Variants in HMGCLL1 observed in about 807,000 individuals in gnomAD.
HMGCLL1 encodes 3-hydroxymethyl-3-methylglutaryl-CoA lyase, cytoplasmic.
HMGCLL1 carries 36 observed loss-of-function variants against 39.1 expected under a neutral mutation model. The observed-to-expected ratio is 0.92, with a 90% CI of 0.71 to 1.22. The LOEUF is 1.22. Among genes scored for constraint, HMGCLL1 ranks in the 50% most tolerant of loss-of-function variants. HMGCLL1 has a pLI of 0.00. For missense variants in HMGCLL1, 451 were observed against 416.5 expected (o/e 1.08, Z -0.72); for synonymous variants, 149 against 144.0 (o/e 1.03, Z -0.25).
chr6:55,476,336 G>C (rs1199596503), intron 7 of HMGCLL1, among the ~76,000 whole-genome samples: 3 of 151,310 alleles, frequency 2.0e-5, no homozygotes, highest in African/African-American at 7.3e-5. Flanking sequence ...GCAATTGGAA[G>C]TGTGTCATTT....
At chr6:55,652,275 C>T in the HMGCLL1 span, among the ~76,000 whole-genome samples, 1 of 150,804 alleles carries the variant, frequency 6.6e-6, no homozygotes, top group Non-Finnish European at 1.5e-5. Context: ...CTTATAAAAT[C>T]TTTTTTTTTA....
chr6:55,483,728 A>G (rs1335964961), intron 7 of HMGCLL1, among the ~76,000 whole-genome samples: 2 of 152,254 alleles, frequency 1.3e-5, no homozygotes, highest in African/African-American at 4.8e-5. Flanking sequence ...CTATTTTTCA[A>G]GTAGGAAACA....
At chr6:55,579,210 A>G (rs1462338283), upstream of HMGCLL1, 5 of 635,118 alleles carry the variant, frequency 7.9e-6, no homozygotes, top group East Asian at 1.1e-4. Flanking sequence ...GGCGGCGCCG[A>G]GAGGGCGGGG....
At chr6:55,615,723 A>G in the HMGCLL1 span, among the ~76,000 whole-genome samples, 12 of 152,122 alleles carry the variant, frequency 7.9e-5, no homozygotes, top group Non-Finnish European at 1.5e-4. Flanking sequence ...ACAGCTACAA[A>G]CATCATAGGT....
At chr6:55,613,258 C>T in the HMGCLL1 span, among the ~76,000 whole-genome samples, 2 of 152,170 alleles carry the variant, frequency 1.3e-5, no homozygotes, top group Admixed American at 1.3e-4. Context: ...CATCTCACAC[C>T]AGTCAGAATG....
chr6:55,564,033 C>G (rs2127472180), intron 1 of HMGCLL1: 3 of 452,384 alleles, frequency 6.6e-6, no homozygotes, highest in Middle Eastern at 9.6e-4. Context: ...GCAGCAAAGC[C>G]TCATGAAAGT....
At chr6:55,435,909 A>C in intron 8 of HMGCLL1, 146 bp from the exon 9 acceptor site, 2 of 468,954 alleles carry the variant, frequency 4.3e-6, no homozygotes, top group Non-Finnish European at 3.8e-6. Flanking sequence ...ATTTTGGGGC[A>C]ACATTTGTTT....
the HMGCLL1 span, among the ~76,000 whole-genome samples, chr6:55,660,077 A>G: frequency 6.6e-6 from 1 of 151,756 alleles, no homozygotes; most frequent in Non-Finnish European, 1.5e-5. Flanking sequence ...TTAGGGAGGG[A>G]GTCAACTCAA....
intron 7 of HMGCLL1, among the ~76,000 whole-genome samples, chr6:55,477,327 T>TATTA (rs1561904974): frequency 6.6e-5 from 1 of 15,082 alleles, no homozygotes; most frequent in African/African-American, 5.3e-4. Context: ...ATATATTATA[T>TATTA]TATATAATAT....
Position 55,449,354 on chromosome 6 carries a change from C to G in HMGCLL1, c.796-9795G>C, listed in dbSNP as rs1327021123. Reference sequence around the variant, plus strand: ...ACAAGCATTCTTCTTCTTTAATAGCCAAACGCAGATGACATTGAGGCCTTA... The same window carrying G: ...ACAAGCATTCTTCTTCTTTAATAGCGAAACGCAGATGACATTGAGGCCTTA... On this transcript the variant is annotated intron_variant, in intron 7 of 8. Transcript: ENST00000274901. Among the ~76,000 whole-genome samples the G allele has an allele frequency of 3.3e-5, 5 of 152,270 alleles. No individual in the cohort carries two copies. In the East Asian group the frequency reaches 9.7e-4, roughly 29 times the overall value.
intron 7 of HMGCLL1, among the ~76,000 whole-genome samples, chr6:55,468,122 G>C (rs1359884441): frequency 6.6e-6 from 1 of 151,982 alleles, no homozygotes; most frequent in Admixed American, 6.6e-5. Flanking sequence ...AACAAGGGTT[G>C]GGATCTCTTT....
chr6:55,587,238 GTTGT>G, the HMGCLL1 span, among the ~76,000 whole-genome samples: 6 of 152,048 alleles, frequency 3.9e-5, no homozygotes, highest in African/African-American at 1.2e-4. Context: ...TGTTGATGGG[GTTGT>G]TTGTTTTTTT....
the HMGCLL1 span, among the ~76,000 whole-genome samples, chr6:55,646,954 G>A: frequency 1.3e-5 from 2 of 151,856 alleles, no homozygotes; most frequent in African/African-American, 4.8e-5. Flanking sequence ...TTTTCTGTCT[G>A]GAAGATCTAT....
rs575144723 is a variant in HMGCLL1, at chr6:55,471,896, C to T, written c.795+23523G>A. On this transcript the variant is annotated intron_variant, in intron 7 of 8. Coordinates refer to ENST00000274901, the MANE Select transcript of HMGCLL1 (RefSeq NM_001042406.2). ...TAACCATGGATTAGTTTTGCATGTTCATGAATATTATAAAAATGTAATCAA... is the reference window on the plus strand; with the variant it reads ...TAACCATGGATTAGTTTTGCATGTTTATGAATATTATAAAAATGTAATCAA... Among the ~76,000 whole-genome samples the T allele has an allele frequency of 1.6e-3, 248 of 151,672 alleles. 10 individuals are homozygous for T. The South Asian group carries it at 0.049, about 30-fold the overall frequency.
chr6:55,627,049 GAAAAAA>G, the HMGCLL1 span, among the ~76,000 whole-genome samples: 14,292 of 86,134 alleles, frequency 0.17, 737 homozygotes, highest in Admixed American at 0.25. Flanking sequence ...CACTCCACCA[GAAAAAA>G]AAAAAAAAAA....
the HMGCLL1 span, among the ~76,000 whole-genome samples, chr6:55,652,031 A>G: frequency 1.3e-5 from 2 of 152,006 alleles, no homozygotes; most frequent in African/African-American, 4.8e-5. Context: ...ACTCTTAGTG[A>G]TATGAAGTTA....
chr6:55,559,314 T>C (rs751719946), intron 1 of HMGCLL1, among the ~76,000 whole-genome samples: 7 of 152,110 alleles, frequency 4.6e-5, no homozygotes, highest in South Asian at 2.1e-4. Flanking sequence ...TTCCTTATAA[T>C]CAAGAAAAAG....
the HMGCLL1 span, among the ~76,000 whole-genome samples, chr6:55,603,031 C>T: frequency 6.6e-6 from 1 of 151,990 alleles, no homozygotes; most frequent in Non-Finnish European, 1.5e-5. Flanking sequence ...AGAGACCAAA[C>T]TGAGAATTCC....
chr6:55,465,430 T>G (rs941063007), intron 7 of HMGCLL1, among the ~76,000 whole-genome samples: 2 of 152,048 alleles, frequency 1.3e-5, no homozygotes, highest in African/African-American at 2.4e-5. Context: ...TATAGATAAT[T>G]TTTGTATTCC....
Sources: allele counts gnomAD v4.1 joint callset (sites outside exome capture counted in the v4.1 genomes callset), GRCh38; gene constraint gnomAD v4.1.1; transcripts MANE v1.5; gene names NCBI Gene and HGNC (gene_info 2026-07-23, HGNC 2026-07-21).